The following ZNF106 variants were observed in gnomAD, a reference collection of about 807,000 sequenced individuals.
ZNF106 encodes SH3-domain binding protein 3.
In ZNF106, 67 loss-of-function variants were observed where a neutral mutation model predicts 195.1. The ratio of observed to expected loss-of-function variants is 0.34; its 90% CI spans 0.28 to 0.42. The LOEUF (loss-of-function observed/expected upper bound fraction) is 0.42, where lower values mean the gene tolerates loss of function less well. Among genes scored for constraint, ZNF106 ranks in the 10% least tolerant of loss-of-function variants. The pLI is 1.00. For missense variants in ZNF106, 2,118 were observed against 2,304.5 expected (o/e 0.92, Z 1.66); for synonymous variants, 784 against 818.6 (o/e 0.96, Z 0.72).
intron 4 of ZNF106, 109 bp from the exon 5 acceptor site, chr15:42,452,063 T>C (rs1033088738): frequency 1.5e-5 from 18 of 1,221,168 alleles, no homozygotes; most frequent in Admixed American, 2.4e-5. Flanking sequence ...ACTTAGAATA[T>C]GTAACCGAGT....
At chr15:42,426,994 A>G (rs2054884423) in intron 15 of ZNF106, among the ~76,000 whole-genome samples, 1 of 152,144 alleles carries the variant, frequency 6.6e-6, no homozygotes. Context: ...ACATATTTCA[A>G]TGCACACCTT....
chr15:42,463,945 G>T (rs775276191), intron 3 of ZNF106, among the ~76,000 whole-genome samples: 24 of 152,298 alleles, frequency 1.6e-4, no homozygotes, highest in Middle Eastern at 3.4e-3. Flanking sequence ...AGGCTAAAGA[G>T]ATGCTGAAAG....
Position 42,451,651 on chromosome 15 carries a change from A to C in ZNF106, c.621T>G (p.Gly207=), listed in dbSNP as rs759908686. ...CTACTGCTCCACTATTTGAAAGCCA[A>C]CCACCTCCAGAATTACTATGGTTGT... ...WFHNHSNSGG[G]WLSNSGAVDW... Residue 207 remains glycine, a synonymous_variant, in exon 5 of 22, where the codon GGT becomes GGG. Coordinates refer to ENST00000564754, the MANE Select transcript of ZNF106 (RefSeq NM_001366845.3). 1 of 1,614,208 alleles carries C rather than the reference A, an allele frequency of 6.2e-7. No individual in the cohort carries two copies. The highest frequency in any genetic ancestry group is 1.1e-5 in the South Asian group (1 of 91,082).
intron 16 of ZNF106, chr15:42,424,366 T>C (rs1057454337): frequency 3.0e-6 from 1 of 333,356 alleles, no homozygotes; most frequent in African/African-American, 2.1e-5. Flanking sequence ...CAAATGAAAG[T>C]GCATCACTTG....
Position 42,450,884 on chromosome 15 carries a change from T to C in ZNF106, c.1388A>G (p.Gln463Arg). ...TGGCATTTTATTTGGTGTATGCTCT[T>C]GTTCAGGTTTTTCTGCAGTGGGGCA... Reference protein sequence around the residue: ...RQCPTAEKPEQEHTPNKMPSL... With the variant: ...RQCPTAEKPEREHTPNKMPSL... Residue 463 changes from glutamine to arginine, a missense_variant, in exon 5 of 22, where the codon CAA becomes CGA. Gln to Arg is a conservative substitution (Grantham distance 43). Coordinates refer to ENST00000564754, the MANE Select transcript of ZNF106 (RefSeq NM_001366845.3). 1 of 1,614,206 alleles carries C rather than the reference T, an allele frequency of 6.2e-7. No individual in the cohort carries two copies. Among genetic ancestry groups the C allele is most frequent in the Middle Eastern group, 1.6e-4 (1 of 6,062 alleles).
At position 42,472,298 on chromosome 15, in the gene ZNF106, G is replaced by C. The variant is rs1265371462; in HGVS notation, c.-9C>G. 3 of 1,535,230 alleles carry C rather than the reference G, an allele frequency of 2.0e-6. No individual in the cohort carries two copies. Among genetic ancestry groups the C allele is most frequent in the Non-Finnish European group, 1.7e-6 (2 of 1,146,502 alleles). On this transcript the variant is annotated 5_prime_UTR_variant, in exon 2 of 22. It adds an upstream start codon to the 5' untranslated region. Transcript: ENST00000564754. ...TTTCGTTCTCGTACCATAGTGACCA[G>C]ATCTGAAGCACTCAACGTCACAGCT...
chr15:42,460,892 A>G (rs2056375749), intron 3 of ZNF106, among the ~76,000 whole-genome samples: 2 of 152,114 alleles, frequency 1.3e-5, no homozygotes, highest in South Asian at 4.1e-4. Flanking sequence ...ACTAAAAATA[A>G]TTTTTCAAAA....
At chr15:42,481,354 GTTGTT>G (rs2056896051) in intron 1 of ZNF106, among the ~76,000 whole-genome samples, 1 of 94,326 alleles carries the variant, frequency 1.1e-5, no homozygotes, top group African/African-American at 5.5e-5. Context: ...TTTTTTTTTT[GTTGTT>G]TTTTTTTTTT....
At chr15:42,430,227 AAG>A (rs2141285256) in intron 14 of ZNF106, among the ~76,000 whole-genome samples, 1 of 152,196 alleles carries the variant, frequency 6.6e-6, no homozygotes, top group East Asian at 1.9e-4. Flanking sequence ...AGCCTTTTAA[AAG>A]AGTTTTTGCT....
intron 17 of ZNF106, 30 bp from the exon 18 acceptor site, chr15:42,422,650 G>T: frequency 6.3e-7 from 1 of 1,576,840 alleles, no homozygotes; most frequent in South Asian, 1.2e-5. Flanking sequence ...AGAGTCACCA[G>T]ACTGACTTTC....
intron 4 of ZNF106, 46 bp from the exon 5 acceptor site, chr15:42,452,000 T>A: frequency 6.4e-7 from 1 of 1,560,200 alleles, no homozygotes; most frequent in South Asian, 1.2e-5. Flanking sequence ...GGAATTCCTA[T>A]GCTACCTTGA....
intron 16 of ZNF106, 141 bp from the exon 17 acceptor site, chr15:42,424,201 G>T: frequency 1.5e-6 from 1 of 671,484 alleles, no homozygotes; most frequent in Non-Finnish European, 2.5e-6. Flanking sequence ...TTTCTCAGAT[G>T]AATTTTCTCA....
rs752196638 is a variant in ZNF106, at chr15:42,439,670, G to A, written c.3907C>T (p.Pro1303Ser). The change falls in exon 11 of 22, where the codon CCC becomes TCC. Residue 1303 changes from proline (P) to serine (S), a missense_variant. Physicochemically the swap from Pro to Ser is moderately conservative, Grantham distance 74. Coordinates refer to ENST00000564754, the MANE Select transcript of ZNF106 (RefSeq NM_001366845.3). The stretch of plus-strand genomic sequence containing the variant: ...GAAAGACCAGCTGATTGGGAAGAGG[G>A]AGAGTTTTCTCTGTTTCTGGTATTT... ...QRNTRNRENS[P>S]SSQSAGLSSI... is the part of the protein sequence containing the mutation. The A allele has an allele frequency of 4.3e-6, 7 of 1,613,904 alleles. No homozygotes were observed. The highest frequency in any genetic ancestry group is 1.3e-5 in the African/African-American group (1 of 74,904).
At position 42,451,706 on chromosome 15, in the gene ZNF106, C is replaced by G; in HGVS notation, c.566G>C (p.Gly189Ala). The G allele has an allele frequency of 6.2e-7, 1 of 1,614,218 alleles. No homozygotes were observed. The change falls in exon 5 of 22, where the codon GGT becomes GCT. Residue 189 changes from glycine to alanine, a missense_variant. Physicochemically the swap from Gly to Ala is moderately conservative, Grantham distance 60. Transcript: ENST00000564754. Reference protein sequence around the residue: ...GPRGRSGWHKGVAGGSSTWFH... With the variant: ...GPRGRSGWHKAVAGGSSTWFH... ...CCAAGTCGAGGAGCCTCCTGCAACA[C>G]CCTTATGCCACCCGGAACGTCCTCT...
chr15:42,457,214 C>T (rs1042133189), intron 3 of ZNF106, 56 bp from the exon 4 acceptor site: 1 of 1,612,920 alleles, frequency 6.2e-7, no homozygotes, highest in Admixed American at 1.7e-5. Flanking sequence ...ATGGCACACT[C>T]ACCAGATCTG....
At position 42,448,315 on chromosome 15, in the gene ZNF106, G is replaced by A; in HGVS notation, c.2892C>T (p.Ser964=). The change falls in exon 6 of 22, where the codon TCC becomes TCT. Residue 964 remains serine (S), a synonymous_variant. Coordinates refer to ENST00000564754, the MANE Select transcript of ZNF106 (RefSeq NM_001366845.3). ...GCATCAAAGGTATTATATGGTCAGAGGATAATTGTGCACTATGTCGCCTTT... is the reference window on the plus strand; with the variant it reads ...GCATCAAAGGTATTATATGGTCAGAAGATAATTGTGCACTATGTCGCCTTT... ...ATQRRHSAQL[S]SDHIIPLMHL... is the part of the protein sequence containing the mutation. 1 of 1,614,194 alleles carries A rather than the reference G, an allele frequency of 6.2e-7. No individual in the cohort carries two copies. Among genetic ancestry groups the A allele is most frequent in the Non-Finnish European group, 8.5e-7 (1 of 1,180,030 alleles).
At chr15:42,479,442 A>G (rs749919455) in intron 1 of ZNF106, among the ~76,000 whole-genome samples, 8 of 152,226 alleles carry the variant, frequency 5.3e-5, no homozygotes, top group Non-Finnish European at 1.0e-4. Flanking sequence ...CCTTTCAACT[A>G]TACTGAGAAT....
chr15:42,417,721 T>G (rs749242210), intron 21 of ZNF106, 84 bp downstream of exon 21: 7 of 1,443,034 alleles, frequency 4.9e-6, no homozygotes, highest in Non-Finnish European at 6.5e-6. Context: ...TATATGGCAA[T>G]TCTCAATAAT....
At chr15:42,458,061 G>A (rs1022858582) in intron 3 of ZNF106, among the ~76,000 whole-genome samples, 1 of 152,130 alleles carries the variant, frequency 6.6e-6, no homozygotes, top group Non-Finnish European at 1.5e-5. Flanking sequence ...AGCTGACTAT[G>A]CAGTCATTTA....
Sources: allele counts gnomAD v4.1 joint callset (sites outside exome capture counted in the v4.1 genomes callset), GRCh38; gene constraint gnomAD v4.1.1; transcripts MANE v1.5; gene names NCBI Gene and HGNC (gene_info 2026-07-23, HGNC 2026-07-21).